The following CCSER1 variants were observed in gnomAD, a reference collection of about 807,000 sequenced individuals.
The protein encoded by CCSER1 is serine-rich coiled-coil domain-containing protein 1.
CCSER1 carries 41 observed loss-of-function variants against 82.0 expected under a neutral mutation model. The ratio of observed to expected loss-of-function variants is 0.50; its 90% CI spans 0.39 to 0.65. The LOEUF (loss-of-function observed/expected upper bound fraction) is 0.65, where lower values mean the gene tolerates loss of function less well. Ranked by LOEUF, CCSER1 falls within the 30% of genes least tolerant of loss-of-function variation. The pLI is 0.00. For missense variants in CCSER1, 1,119 were observed against 1,064.2 expected, an observed-to-expected ratio of 1.05 and a Z score of -0.72; for synonymous variants, 414 against 383.9, an observed-to-expected ratio of 1.08 and a Z score of -0.92.
chr4:91,055,163 G>A (rs1743333971), intron 9 of CCSER1, among the ~76,000 whole-genome samples: 1 of 151,466 alleles, frequency 6.6e-6, no homozygotes, highest in Non-Finnish European at 1.5e-5. Flanking sequence ...AAATTATATA[G>A]CTATTTGCTT....
chr4:91,272,753 T>C (rs1273171023), intron 10 of CCSER1, among the ~76,000 whole-genome samples: 2 of 152,258 alleles, frequency 1.3e-5, no homozygotes, highest in African/African-American at 4.8e-5. Context: ...CCTTGATTCA[T>C]CTTGAGTTTA....
At chr4:91,022,131 C>T (rs1172646454) in intron 9 of CCSER1, among the ~76,000 whole-genome samples, 2 of 150,322 alleles carry the variant, frequency 1.3e-5, no homozygotes, top group Admixed American at 6.6e-5. Flanking sequence ...AGGTATATCT[C>T]CTAATGCTAT....
chr4:91,180,767 A>C (rs1413907626), intron 10 of CCSER1, among the ~76,000 whole-genome samples: 3 of 152,234 alleles, frequency 2.0e-5, no homozygotes, highest in East Asian at 1.9e-4. Context: ...TAGAGGTGTG[A>C]AATGGGAAAT....
rs1319521754 is a variant in CCSER1, at chr4:90,287,213, C to T, written c.-41-21031C>T. Among the ~76,000 whole-genome samples the T allele has an allele frequency of 3.3e-5, 5 of 151,374 alleles. No individual in the cohort carries two copies. The East Asian group carries it at 9.8e-4, about 30-fold the overall frequency. ...CTTACATTAATAATTAAAAAAAAACCCTACAAAATAGGGTCAGCCAAAATC... is the reference window on the plus strand; with the variant it reads ...CTTACATTAATAATTAAAAAAAAACTCTACAAAATAGGGTCAGCCAAAATC... On this transcript the variant is annotated intron_variant, in intron 1 of 10. Coordinates refer to ENST00000509176, the MANE Select transcript of CCSER1 (RefSeq NM_001145065.2).
At chr4:90,327,145 C>T (rs1561035479) in intron 3 of CCSER1, among the ~76,000 whole-genome samples, 1 of 152,128 alleles carries the variant, frequency 6.6e-6, no homozygotes. Context: ...CACCATTTTC[C>T]CCTGTAAGAG....
At chr4:90,505,385 G>T (rs545249490) in intron 5 of CCSER1, among the ~76,000 whole-genome samples, 3 of 151,750 alleles carry the variant, frequency 2.0e-5, no homozygotes, top group African/African-American at 7.3e-5. Flanking sequence ...AATCAAAGCG[G>T]GGCAGGGAAA....
At chr4:90,211,229 A>G (rs1017878444) in intron 1 of CCSER1, among the ~76,000 whole-genome samples, 1 of 152,198 alleles carries the variant, frequency 6.6e-6, no homozygotes, top group East Asian at 1.9e-4. Context: ...CAGATCTTCA[A>G]TTCTCAACTT....
At chr4:90,430,036 T>G (rs1758062749) in intron 4 of CCSER1, among the ~76,000 whole-genome samples, 1 of 151,820 alleles carries the variant, frequency 6.6e-6, no homozygotes, top group African/African-American at 2.4e-5. Flanking sequence ...ACAGGTAGAC[T>G]TTAAGTCCGC....
chr4:91,289,871 A>C (rs1455496901), intron 10 of CCSER1, among the ~76,000 whole-genome samples: 3 of 152,094 alleles, frequency 2.0e-5, no homozygotes, highest in Non-Finnish European at 4.4e-5. Context: ...AGAAGCTTAA[A>C]GAACAAACAG....
intron 10 of CCSER1, among the ~76,000 whole-genome samples, chr4:91,122,521 G>A (rs541919965): frequency 6.6e-6 from 1 of 151,106 alleles, no homozygotes; most frequent in Non-Finnish European, 1.5e-5. Flanking sequence ...TGATTCTCCC[G>A]CAAAATCCTA....
intron 9 of CCSER1, among the ~76,000 whole-genome samples, chr4:91,030,899 C>T (rs1450504652): frequency 6.6e-6 from 1 of 152,062 alleles, no homozygotes; most frequent in African/African-American, 2.4e-5. Context: ...TGTTAGACCT[C>T]TTTTGGTATC....
chr4:91,171,834 G>GA (rs2149004231), intron 10 of CCSER1, among the ~76,000 whole-genome samples: 1 of 152,042 alleles, frequency 6.6e-6, no homozygotes, highest in East Asian at 1.9e-4. Flanking sequence ...CTGTCACCAT[G>GA]AAAAATAATA....
At chr4:91,031,012 C>A (rs573177292) in intron 9 of CCSER1, among the ~76,000 whole-genome samples, 2 of 152,244 alleles carry the variant, frequency 1.3e-5, no homozygotes, top group Admixed American at 1.3e-4. Flanking sequence ...AGACATCTTA[C>A]AAATATTTCC....
intron 6 of CCSER1, among the ~76,000 whole-genome samples, chr4:90,691,635 T>A (rs1277045121): frequency 6.6e-6 from 1 of 151,874 alleles, no homozygotes; most frequent in African/African-American, 2.4e-5. Context: ...TATGTATATA[T>A]ATCACATGTA....
chr4:91,073,957 T>G (rs759135113), intron 9 of CCSER1, among the ~76,000 whole-genome samples: 2 of 152,092 alleles, frequency 1.3e-5, no homozygotes, highest in Admixed American at 6.6e-5. Flanking sequence ...TTAAACAATA[T>G]CCTTATCATC....
At chr4:90,772,051 A>G (rs1387959435) in intron 7 of CCSER1, among the ~76,000 whole-genome samples, 1 of 152,066 alleles carries the variant, frequency 6.6e-6, no homozygotes, top group Admixed American at 6.6e-5. Context: ...GTGACTTTTC[A>G]CCCTGAGAAA....
chr4:91,139,765 A>G (rs1728849985), intron 10 of CCSER1, among the ~76,000 whole-genome samples: 1 of 152,208 alleles, frequency 6.6e-6, no homozygotes, highest in Admixed American at 6.5e-5. Context: ...TCTAATATAC[A>G]TTTGTAATCA....
chr4:91,125,279 T>A (rs1259566768), intron 10 of CCSER1, among the ~76,000 whole-genome samples: 1 of 151,712 alleles, frequency 6.6e-6, no homozygotes, highest in Non-Finnish European at 1.5e-5. Context: ...CTGATTAATA[T>A]AGAGAAGCTC....
chr4:91,298,763 A>C (rs1744427722), intron 10 of CCSER1, among the ~76,000 whole-genome samples: 1 of 152,048 alleles, frequency 6.6e-6, no homozygotes, highest in Non-Finnish European at 1.5e-5. Context: ...TAATATACAG[A>C]ACCAAATAAA....
Sources: gnomAD v4.1 joint callset for allele counts (sites outside exome capture counted in the v4.1 genomes callset) on GRCh38, gnomAD v4.1.1 for gene constraint, MANE v1.5 for transcripts, NCBI Gene and HGNC (gene_info 2026-07-23, HGNC 2026-07-21) for gene names.